The following ADORA1 variants were observed in gnomAD, a reference collection of about 807,000 sequenced individuals.
ADORA1 encodes the protein adenosine A1 receptor, also known as adenosine receptor A1.
ADORA1 carries 6 observed loss-of-function variants against 19.9 expected under a neutral mutation model. The observed-to-expected ratio is 0.30, with a 90% CI of 0.17 to 0.59. ADORA1 has a LOEUF of 0.59. ADORA1 is among the 20% of genes least tolerant of loss of function. ADORA1 has a pLI of 0.87. For synonymous variants in ADORA1, 194 were observed against 188.4 expected, an observed-to-expected ratio of 1.03 and a Z score of -0.24; for missense variants, 302 against 439.2, an observed-to-expected ratio of 0.69 and a Z score of 2.79.
chr1:203,128,311 G>A lies in ADORA1; in HGVS notation c.-179G>A, dbSNP rs556382435. 3.1e-6 allele frequency: 4 copies of A among 1,283,542 alleles called. No homozygotes were observed. In the South Asian group the frequency reaches 5.0e-5, roughly 16 times the overall value. The allele number at this position is 1,283,542 out of a possible 1,614,324, so 79.5% of individuals were successfully genotyped here. A position where few individuals can be genotyped will look rare whatever the true frequency, so the allele number is the denominator to read the frequency against. ...GGGAGCGCTGCGGCGGGAGCCGGAG[G>A]ACTATGAGCTGCCGCGCGTTGTCCA... On this transcript the variant is annotated 5_prime_UTR_variant, in exon 2 of 4. Transcript: ENST00000337894. The surrounding 1 kb of genome is among the most constrained non-coding windows in gnomAD (Gnocchi z 5.9).
At chr1:203,157,689 G>A (rs1364719390) in intron 3 of ADORA1, among the ~76,000 whole-genome samples, 1 of 152,230 alleles carries the variant, frequency 6.6e-6, no homozygotes, top group Non-Finnish European at 1.5e-5. Flanking sequence ...ATGACCCCAT[G>A]GCTTCCACAC....
At chr1:203,158,031 A>G (rs933671879) in intron 3 of ADORA1, among the ~76,000 whole-genome samples, 2 of 152,194 alleles carry the variant, frequency 1.3e-5, no homozygotes, top group African/African-American at 4.8e-5. Context: ...TCTTTAGCAA[A>G]TGGTGTTTTG....
Position 203,165,244 on chromosome 1 carries a change from G to T in ADORA1, c.342-17G>T. 1 of 1,595,534 alleles carries T rather than the reference G, an allele frequency of 6.3e-7. No homozygotes were observed. Among genetic ancestry groups the T allele is most frequent in the Non-Finnish European group, 8.5e-7 (1 of 1,170,458 alleles). On this transcript the variant is annotated splice_polypyrimidine_tract_variant and intron_variant, in intron 3 of 3. Transcript: ENST00000337894. This position sits in a 1 kb window ranked among gnomAD's most constrained non-coding sequence, Gnocchi z 5.9. ...GCTGGGAGGCAGATCCTCACACTCTGCCCTCCTCTCCCCCAGGTACAAGAT... is the reference window on the plus strand; with the variant it reads ...GCTGGGAGGCAGATCCTCACACTCTTCCCTCCTCTCCCCCAGGTACAAGAT...
rs202053999 is a variant in ADORA1, at chr1:203,166,186, G to T, written c.*286G>T. The T allele has an allele frequency of 7.0e-5, 23 of 329,914 alleles. No homozygotes were observed. Among genetic ancestry groups the T allele is most frequent in the Non-Finnish European group, 1.0e-4 (19 of 182,904 alleles). 20.4% of individuals were successfully genotyped at this position (329,914 alleles called of 1,614,324 possible). On this transcript the variant is annotated 3_prime_UTR_variant, in exon 4 of 4. Transcript: ENST00000337894. ...GCCCCCACCTGCCTGACCATCCCAT[G>T]AGCAGTCCAGAGCTTCAGGGCTGGG...
intron 3 of ADORA1, chr1:203,144,698 G>T (rs1010175311): frequency 6.6e-6 from 1 of 152,188 alleles, no homozygotes; most frequent in African/African-American, 2.4e-5. Flanking sequence ...ACCTCTGCGG[G>T]TCTCAGTTTA....
At position 203,128,313 on chromosome 1, in the gene ADORA1, C is replaced by T. The variant is rs930884837; in HGVS notation, c.-177C>T. 2.3e-6 allele frequency: 3 copies of T among 1,285,892 alleles called. No homozygotes were observed. The highest frequency in any genetic ancestry group is 1.5e-5 in the African/African-American group (1 of 65,752). The allele number at this position is 1,285,892 out of a possible 1,614,324, so 79.7% of individuals were successfully genotyped here. On this transcript the variant is annotated 5_prime_UTR_variant, in exon 2 of 4. Transcript: ENST00000337894. The surrounding 1 kb of genome is among the most constrained non-coding windows in gnomAD (Gnocchi z 5.9). The stretch of plus-strand genomic sequence containing the variant: ...GAGCGCTGCGGCGGGAGCCGGAGGA[C>T]TATGAGCTGCCGCGCGTTGTCCAGA...
chr1:203,154,937 C>CT (rs1166032959), intron 3 of ADORA1, among the ~76,000 whole-genome samples: 1 of 152,076 alleles, frequency 6.6e-6, no homozygotes, highest in Non-Finnish European at 1.5e-5. Flanking sequence ...CCTCTTCCTT[C>CT]TTTTTTCTCT....
Position 203,129,201 on chromosome 1 carries a change from A to T in ADORA1, c.341+19A>T, listed in dbSNP as rs1654253858. 2 of 1,589,758 alleles carry T rather than the reference A, an allele frequency of 1.3e-6. No homozygotes were observed. The highest frequency in any genetic ancestry group is 4.5e-5 in the East Asian group (2 of 44,612). ...CTCTCCGGTGAGTCCACAGCGCCGA[A>T]GGTACTCGCAGCACCACATGATGGC... On this transcript the variant is annotated intron_variant, in intron 3 of 3. Coordinates refer to ENST00000337894, the MANE Select transcript of ADORA1 (RefSeq NM_000674.3).
intron 3 of ADORA1, among the ~76,000 whole-genome samples, chr1:203,148,685 C>G (rs951806445): frequency 2.0e-5 from 3 of 152,110 alleles, no homozygotes; most frequent in Non-Finnish European, 4.4e-5. Flanking sequence ...AGTTGGAGGC[C>G]CTGGGGTTGG....
chr1:203,138,487 C>T (rs748995225), intron 3 of ADORA1, among the ~76,000 whole-genome samples: 1 of 152,120 alleles, frequency 6.6e-6, no homozygotes, highest in Non-Finnish European at 1.5e-5. Context: ...AAGGAGAACT[C>T]CAGACATAGG....
chr1:203,164,275 G>T (rs942175471), intron 3 of ADORA1, among the ~76,000 whole-genome samples: 1 of 152,162 alleles, frequency 6.6e-6, no homozygotes, highest in Non-Finnish European at 1.5e-5. Context: ...TAGTTGTCTT[G>T]TTTATTTTCT....
intron 3 of ADORA1, among the ~76,000 whole-genome samples, chr1:203,161,596 A>AT (rs1214640435): frequency 7.3e-6 from 1 of 137,782 alleles, no homozygotes. Context: ...TTTGAGACAG[A>AT]TTTTCGCTCT....
intron 3 of ADORA1, among the ~76,000 whole-genome samples, chr1:203,157,313 G>A (rs1426492236): frequency 1.3e-5 from 2 of 152,226 alleles, no homozygotes; most frequent in Non-Finnish European, 2.9e-5. Context: ...GGGAGAAACA[G>A]GCAAGAAGAA....
chr1:203,164,165 CA>C (rs1655459621), intron 3 of ADORA1, among the ~76,000 whole-genome samples: 1 of 152,250 alleles, frequency 6.6e-6, no homozygotes, highest in African/African-American at 2.4e-5. Flanking sequence ...CCTCGTCATC[CA>C]GATGTTTCTA....
chr1:203,129,066 C>T lies in ADORA1; in HGVS notation c.225C>T (p.Thr75=). 1 of 1,614,168 alleles carries T rather than the reference C, an allele frequency of 6.2e-7. No individual in the cohort carries two copies. The highest frequency in any genetic ancestry group is 1.7e-5 in the Admixed American group (1 of 60,026). ...TCCTCATCAACATTGGGCCACAGACCTACTTCCACACCTGCCTCATGGTTG... is the reference window on the plus strand; with the variant it reads ...TCCTCATCAACATTGGGCCACAGACTTACTTCCACACCTGCCTCATGGTTG... The part of the protein sequence containing the change: ...LAILINIGPQ[T]YFHTCLMVAC... The change falls in exon 3 of 4, where the codon ACC becomes ACT. Residue 75 remains threonine (T), a synonymous_variant. Transcript: ENST00000337894.
intron 3 of ADORA1, among the ~76,000 whole-genome samples, chr1:203,134,985 A>T (rs1004635317): frequency 3.9e-5 from 6 of 152,210 alleles, no homozygotes; most frequent in Non-Finnish European, 8.8e-5. Flanking sequence ...TCTCAGCTAA[A>T]ATGGGCTCTC....
chr1:203,156,794 G>A (rs1042949838), intron 3 of ADORA1, among the ~76,000 whole-genome samples: 2 of 152,174 alleles, frequency 1.3e-5, no homozygotes, highest in African/African-American at 4.8e-5. Context: ...GTCTGATAAG[G>A]ACCTTGTTGC....
chr1:203,136,278 G>A (rs1227657580), intron 3 of ADORA1, among the ~76,000 whole-genome samples: 1 of 152,132 alleles, frequency 6.6e-6, no homozygotes, highest in East Asian at 1.9e-4. Flanking sequence ...TGGCATACAC[G>A]TCCTCTTAGA....
At chr1:203,130,745 T>C (rs761367385) in intron 3 of ADORA1, among the ~76,000 whole-genome samples, 5 of 152,232 alleles carry the variant, frequency 3.3e-5, no homozygotes, top group Admixed American at 6.5e-5. Flanking sequence ...TGAGTGAGTG[T>C]TAAGGTGAGC....
Sources: allele counts gnomAD v4.1 joint callset (sites outside exome capture counted in the v4.1 genomes callset), GRCh38; gene constraint gnomAD v4.1.1; non-coding constraint Gnocchi (gnomAD v3.1); transcripts MANE v1.5; gene names NCBI Gene and HGNC (gene_info 2026-07-23, HGNC 2026-07-21).